The following EBF1 variants were observed in gnomAD, a reference collection of about 807,000 sequenced individuals.
EBF1 encodes EBF transcription factor 1.
A neutral mutation model predicts 68.4 loss-of-function variants in EBF1; 10 were observed. That is an observed-to-expected ratio of 0.15 (90% CI 0.09 to 0.25). EBF1 has a LOEUF of 0.25. Among genes scored for constraint, EBF1 ranks in the 10% least tolerant of loss-of-function variants. The probability of loss-of-function intolerance (pLI) is 1.00; values close to 1 mark genes in which losing one functional copy is unlikely to be tolerated. For synonymous variants in EBF1, 298 were observed against 299.8 expected, an observed-to-expected ratio of 0.99 and a Z score of 0.06; for missense variants, 509 against 794.4, an observed-to-expected ratio of 0.64 and a Z score of 4.32.
intron 6 of EBF1, among the ~76,000 whole-genome samples, chr5:159,033,283 C>T (rs1230870212): frequency 6.6e-6 from 1 of 152,214 alleles, no homozygotes; most frequent in Non-Finnish European, 1.5e-5. Context: ...CCCAGCTTTT[C>T]CTACCATTAA....
chr5:158,810,257 C>T (rs1782406597), intron 8 of EBF1, among the ~76,000 whole-genome samples: 5 of 152,206 alleles, frequency 3.3e-5, no homozygotes, highest in African/African-American at 7.2e-5. Context: ...ACGGATAATA[C>T]ACCCAACAGC....
chr5:158,696,053 G>A lies in EBF1; in HGVS notation c.*3058C>T, dbSNP rs1291408734. The A allele has an allele frequency of 9.8e-6, 2 of 204,812 alleles. No homozygotes were observed. Among genetic ancestry groups the A allele is most frequent in the African/African-American group, 4.6e-5 (2 of 43,696 alleles). The allele number at this position is 204,812 out of a possible 1,614,324, so 12.7% of individuals were successfully genotyped here. ...GGTTCTCTAACAATTGAACTGTACAGTGTGTGTCTATTCAAAAAGTTTTGA... is the reference window on the plus strand; with the variant it reads ...GGTTCTCTAACAATTGAACTGTACAATGTGTGTCTATTCAAAAAGTTTTGA... On this transcript the variant is annotated 3_prime_UTR_variant, in exon 16 of 16. Coordinates refer to ENST00000313708, the MANE Select transcript of EBF1 (RefSeq NM_024007.5).
intron 11 of EBF1, among the ~76,000 whole-genome samples, chr5:158,723,463 TTTAG>T (rs1285140497): frequency 1.3e-5 from 2 of 152,154 alleles, no homozygotes; most frequent in African/African-American, 4.8e-5. Flanking sequence ...GTAGATTATA[TTTAG>T]TTAGTGCTTA....
chr5:158,784,153 G>A (rs1021357398), intron 9 of EBF1, among the ~76,000 whole-genome samples: 1 of 152,142 alleles, frequency 6.6e-6, no homozygotes, highest in Non-Finnish European at 1.5e-5. Flanking sequence ...CTCTTTCAGT[G>A]ATTTACATCC....
chr5:158,947,875 G>T (rs1815123998), intron 6 of EBF1, among the ~76,000 whole-genome samples: 1 of 152,264 alleles, frequency 6.6e-6, no homozygotes, highest in African/African-American at 2.4e-5. Context: ...CCTTTTAAAA[G>T]TTCCCTCCCT....
intron 6 of EBF1, among the ~76,000 whole-genome samples, chr5:159,072,417 T>G (rs925509398): frequency 1.3e-4 from 20 of 150,680 alleles, no homozygotes; most frequent in African/African-American, 4.2e-4. Context: ...GAAAGATGGG[T>G]TTTTTTTTCT....
intron 8 of EBF1, among the ~76,000 whole-genome samples, chr5:158,820,028 T>C (rs919477595): frequency 6.6e-5 from 10 of 152,092 alleles, no homozygotes; most frequent in African/African-American, 2.4e-4. Context: ...CATGCATGAA[T>C]GTAAAGCACG....
intron 4 of EBF1, among the ~76,000 whole-genome samples, chr5:159,088,033 G>A (rs904887100): frequency 6.6e-6 from 1 of 152,148 alleles, no homozygotes; most frequent in Admixed American, 6.6e-5. Flanking sequence ...CCACCATGGA[G>A]TAGGACTAAA....
At chr5:158,731,704 T>G (rs903641877) in intron 10 of EBF1, among the ~76,000 whole-genome samples, 12 of 151,824 alleles carry the variant, frequency 7.9e-5, no homozygotes, top group African/African-American at 2.9e-4. Flanking sequence ...CTTGAGAGAG[T>G]CTGCAAAGGG....
At chr5:158,884,520 G>A (rs996775186) in intron 6 of EBF1, among the ~76,000 whole-genome samples, 1 of 152,116 alleles carries the variant, frequency 6.6e-6, no homozygotes, top group African/African-American at 2.4e-5. Flanking sequence ...AATGAAAAAA[G>A]GTAGGCAAGG....
chr5:159,053,367 G>A (rs1173066910), intron 6 of EBF1, among the ~76,000 whole-genome samples: 2 of 152,184 alleles, frequency 1.3e-5, no homozygotes, highest in African/African-American at 4.8e-5. Context: ...AGTAATTACA[G>A]TAATGACAAT....
intron 5 of EBF1, among the ~76,000 whole-genome samples, chr5:159,084,100 C>T (rs150351939): frequency 0.014 from 2,089 of 152,030 alleles, 31 homozygotes; most frequent in Middle Eastern, 0.034. Context: ...AGCTCACTAC[C>T]TCTGCGAAGT....
chr5:159,010,871 C>A (rs1277927949), intron 6 of EBF1, among the ~76,000 whole-genome samples: 2 of 152,224 alleles, frequency 1.3e-5, no homozygotes, highest in Non-Finnish European at 2.9e-5. Flanking sequence ...AAGGGGAAAT[C>A]ATAAACAGTG....
rs375560443 is a variant in EBF1, at chr5:159,077,586, T to C, written c.486-4122A>G. On this transcript the variant is annotated intron_variant, in intron 5 of 15. Transcript: ENST00000313708. ...AATATAAGCCCCACAAAGACAGTCATAGACCCCAGCAACTAGAACTGAGCC... is the reference window on the plus strand; with the variant it reads ...AATATAAGCCCCACAAAGACAGTCACAGACCCCAGCAACTAGAACTGAGCC... 1.4e-4 allele frequency among the ~76,000 whole-genome samples: 21 copies of C among 152,228 alleles called. No individual in the cohort carries two copies. The South Asian group carries it at 4.4e-3, about 32-fold the overall frequency.
chr5:158,985,304 A>G lies in EBF1; in HGVS notation c.554+88092T>C, dbSNP rs888990560. On this transcript the variant is annotated intron_variant, in intron 6 of 15. Transcript: ENST00000313708. ...TGGGACCATGTGAAAGCCACTGAAC[A>G]TCACCTATCTTGACCATAAGGTGAA... Among the ~76,000 whole-genome samples, 5 of 152,314 alleles carry G rather than the reference A, an allele frequency of 3.3e-5. No homozygotes were observed. In the East Asian group the frequency reaches 9.7e-4, roughly 29 times the overall value.
chr5:158,918,023 A>G (rs1807595890), intron 6 of EBF1, among the ~76,000 whole-genome samples: 1 of 152,152 alleles, frequency 6.6e-6, no homozygotes, highest in East Asian at 1.9e-4. Context: ...GACAGAAGAG[A>G]GAGAGAAGGC....
intron 8 of EBF1, among the ~76,000 whole-genome samples, chr5:158,819,986 G>T (rs1446011449): frequency 6.6e-6 from 1 of 152,044 alleles, no homozygotes; most frequent in Admixed American, 6.5e-5. Context: ...GAGCACAGGG[G>T]TTTGCGAGTC....
intron 6 of EBF1, among the ~76,000 whole-genome samples, chr5:158,859,641 T>C (rs778407476): frequency 2.6e-5 from 4 of 152,228 alleles, no homozygotes; most frequent in Admixed American, 6.5e-5. Flanking sequence ...TCACTTAACC[T>C]GTGGTCAAAC....
chr5:159,060,195 T>C (rs1392272454), intron 6 of EBF1, among the ~76,000 whole-genome samples: 4 of 152,076 alleles, frequency 2.6e-5, no homozygotes, highest in African/African-American at 9.7e-5. Context: ...ATCCTAAAAA[T>C]AAAAATAATT....
Sources: allele counts gnomAD v4.1 joint callset (sites outside exome capture counted in the v4.1 genomes callset), GRCh38; gene constraint gnomAD v4.1.1; transcripts MANE v1.5; gene names NCBI Gene and HGNC (gene_info 2026-07-23, HGNC 2026-07-21).